Variants in MCC observed in about 807,000 individuals in gnomAD.
The protein encoded by MCC is MCC regulator of Wnt signaling pathway.
Under a neutral mutation model 116.2 loss-of-function variants are expected in MCC, and 90 were observed. That is an observed-to-expected ratio of 0.77 (90% CI 0.65 to 0.92). The LOEUF (loss-of-function observed/expected upper bound fraction) is 0.92. Among genes scored for constraint, MCC ranks in the 40% least tolerant of loss-of-function variants. MCC has a pLI of 0.00. For synonymous variants in MCC, 578 were observed against 510.5 expected, an observed-to-expected ratio of 1.13 and a Z score of -1.78; for missense variants, 1,516 against 1,312.2, an observed-to-expected ratio of 1.16 and a Z score of -2.40.
intron 1 of MCC, among the ~76,000 whole-genome samples, chr5:113,410,121 G>C (rs994166985): frequency 2.6e-5 from 4 of 152,106 alleles, no homozygotes; most frequent in Non-Finnish European, 5.9e-5. Flanking sequence ...ACGGGATCTT[G>C]CTGAACATAC....
chr5:113,281,420 T>G (rs1364705580), intron 3 of MCC, among the ~76,000 whole-genome samples: 2 of 152,228 alleles, frequency 1.3e-5, no homozygotes, highest in Non-Finnish European at 2.9e-5. Flanking sequence ...ATGCACCACA[T>G]GAACACGGTC....
At chr5:113,164,401 T>C (rs1023277083) in intron 3 of MCC, among the ~76,000 whole-genome samples, 1 of 152,138 alleles carries the variant, frequency 6.6e-6, no homozygotes, top group East Asian at 1.9e-4. Context: ...TACTCCAAAC[T>C]CTCCAAGTAA....
intron 5 of MCC, among the ~76,000 whole-genome samples, chr5:113,139,717 C>T (rs1456242022): frequency 6.6e-6 from 1 of 152,164 alleles, no homozygotes; most frequent in African/African-American, 2.4e-5. Context: ...AGATCTAGAA[C>T]TAGACATACC....
At chr5:113,074,257 C>A (rs185314143) in intron 11 of MCC, among the ~76,000 whole-genome samples, 7 of 152,320 alleles carry the variant, frequency 4.6e-5, no homozygotes, top group African/African-American at 1.7e-4. Context: ...CTGGTGATAC[C>A]CACACAAACA....
At chr5:113,399,718 A>T (rs1180989870) in intron 1 of MCC, among the ~76,000 whole-genome samples, 1 of 152,146 alleles carries the variant, frequency 6.6e-6, no homozygotes, top group African/African-American at 2.4e-5. Flanking sequence ...TTCATGTCCA[A>T]ATCACCATCC....
chr5:113,198,527 C>T (rs1011507106), intron 3 of MCC, among the ~76,000 whole-genome samples: 1 of 133,984 alleles, frequency 7.5e-6, no homozygotes, highest in Non-Finnish European at 1.5e-5. Flanking sequence ...AGACTCTGTC[C>T]CTACAAATAA....
At chr5:113,125,120 A>C (rs1757969671) in intron 5 of MCC, among the ~76,000 whole-genome samples, 1 of 152,258 alleles carries the variant, frequency 6.6e-6, no homozygotes, top group African/African-American at 2.4e-5. Flanking sequence ...AGGCACTCAT[A>C]CTACTTGTTG....
chr5:113,076,926 GAC>G (rs1754498065), intron 11 of MCC, among the ~76,000 whole-genome samples: 1 of 152,190 alleles, frequency 6.6e-6, no homozygotes, highest in Non-Finnish European at 1.5e-5. Context: ...CACGAGCAGA[GAC>G]ACACATGGGC....
intron 2 of MCC, among the ~76,000 whole-genome samples, chr5:113,371,082 G>T (rs1408829270): frequency 6.6e-6 from 1 of 152,182 alleles, no homozygotes; most frequent in East Asian, 1.9e-4. Context: ...TTAGCCGGGT[G>T]TGGTGGCGCA....
At chr5:113,271,060 G>T (rs1561497151) in intron 3 of MCC, among the ~76,000 whole-genome samples, 1 of 152,176 alleles carries the variant, frequency 6.6e-6, no homozygotes, top group Admixed American at 6.5e-5. Context: ...GATTACAGCT[G>T]TATCACTCAA....
At chr5:113,027,522 C>T in intron 18 of MCC, 40 bp from the exon 19 acceptor site, 1 of 1,590,982 alleles carries the variant, frequency 6.3e-7, no homozygotes, top group East Asian at 2.2e-5. Context: ...AAGATTCATC[C>T]TAAGTAGCAT....
At chr5:113,058,034 A>G (rs1193988107) in intron 14 of MCC, among the ~76,000 whole-genome samples, 1 of 152,198 alleles carries the variant, frequency 6.6e-6, no homozygotes, top group Non-Finnish European at 1.5e-5. Flanking sequence ...TTACACCTCT[A>G]GTCTTTCCTT....
intron 2 of MCC, among the ~76,000 whole-genome samples, chr5:113,350,680 C>T (rs1475926205): frequency 2.6e-5 from 4 of 151,938 alleles, no homozygotes; most frequent in Non-Finnish European, 5.9e-5. Flanking sequence ...CAAAACTGGA[C>T]AAATGAGGTT....
At chr5:113,057,079 G>C (rs1752882342) in intron 14 of MCC, among the ~76,000 whole-genome samples, 1 of 152,188 alleles carries the variant, frequency 6.6e-6, no homozygotes, top group African/African-American at 2.4e-5. Flanking sequence ...GCAGGACACA[G>C]TAAATGCAAT....
chr5:113,258,778 A>G (rs1246593838), intron 3 of MCC, among the ~76,000 whole-genome samples: 4 of 152,248 alleles, frequency 2.6e-5, no homozygotes, highest in Non-Finnish European at 4.4e-5. Flanking sequence ...CCTAAGTTAG[A>G]AGAGGTAATT....
At chr5:113,176,833 C>T (rs1761359398) in intron 3 of MCC, among the ~76,000 whole-genome samples, 2 of 152,048 alleles carry the variant, frequency 1.3e-5, no homozygotes, top group South Asian at 4.1e-4. Flanking sequence ...TTCTGGAAAC[C>T]ATCCACTCCT....
chr5:113,143,226 G>T lies in MCC; in HGVS notation c.876C>A (p.Thr292=). Residue 292 remains threonine (T), a synonymous_variant, in exon 5 of 19, where the codon ACC becomes ACA. Coordinates refer to ENST00000408903, the MANE Select transcript of MCC (RefSeq NM_001085377.2). The part of the protein sequence containing the change: ...LNKKIDRLQG[T]TIREEDEYSE... ...CGAATGGAGCCGCGTACCTGATGGT[G>T]GTGCCTTGCAGACGGTCTATCTTCT... The T allele has an allele frequency of 1.2e-6, 2 of 1,603,300 alleles. No homozygotes were observed. The highest frequency in any genetic ancestry group is 1.7e-6 in the Non-Finnish European group (2 of 1,175,672).
At chr5:113,116,511 T>C (rs958685978) in intron 6 of MCC, among the ~76,000 whole-genome samples, 4 of 152,192 alleles carry the variant, frequency 2.6e-5, no homozygotes, top group African/African-American at 9.7e-5. Context: ...TAAAGACTGT[T>C]TATGCTATTA....
At chr5:113,475,633 A>C (rs1450184168) in intron 1 of MCC, among the ~76,000 whole-genome samples, 4 of 152,194 alleles carry the variant, frequency 2.6e-5, no homozygotes, top group Non-Finnish European at 5.9e-5. Context: ...AGAATTAAAG[A>C]GATTTTTCAA....
Sources: gnomAD v4.1 joint callset for allele counts (sites outside exome capture counted in the v4.1 genomes callset) on GRCh38, gnomAD v4.1.1 for gene constraint, MANE v1.5 for transcripts, NCBI Gene and HGNC (gene_info 2026-07-23, HGNC 2026-07-21) for gene names.